The following KLRG1 variants were observed in gnomAD, a reference collection of about 807,000 sequenced individuals.
KLRG1 encodes killer cell lectin like receptor G1.
In KLRG1, 16 loss-of-function variants were observed where a neutral mutation model predicts 21.8. The observed-to-expected ratio is 0.73, with a 90% CI of 0.50 to 1.11. The LOEUF is 1.11. Ranked by LOEUF, KLRG1 falls within the 50% of genes most tolerant of loss-of-function variation. The pLI is 0.00. For missense variants in KLRG1, 173 were observed against 218.3 expected (o/e 0.79, Z 1.31); for synonymous variants, 69 against 75.9 (o/e 0.91, Z 0.47).
the KLRG1 span, among the ~76,000 whole-genome samples, chr12:9,125,158 C>A: frequency 6.6e-6 from 1 of 152,196 alleles, no homozygotes; most frequent in African/African-American, 2.4e-5. Context: ...GCAAGGAGCA[C>A]CCGCTCCAGG....
the KLRG1 span, chr12:9,111,577 G>C: frequency 2.2e-6 from 1 of 456,048 alleles, no homozygotes; most frequent in Non-Finnish European, 4.4e-6. Context: ...GAGAGAAAGA[G>C]AAACAAGAAC....
chr12:9,208,333 T>C, the KLRG1 span: 108 of 1,613,102 alleles, frequency 6.7e-5, no homozygotes, highest in Non-Finnish European at 8.3e-5. Flanking sequence ...GAAGTCTGTC[T>C]TTCCGCATTG....
the KLRG1 span, chr12:9,029,179 G>A: frequency 3.9e-6 from 1 of 256,880 alleles, no homozygotes; most frequent in Non-Finnish European, 7.5e-6. Context: ...CAATTTTCAA[G>A]AATACAATAC....
chr12:9,204,053 G>T, the KLRG1 span: 1 of 1,183,956 alleles, frequency 8.4e-7, no homozygotes, highest in South Asian at 1.6e-5. Flanking sequence ...GGTGCAATCA[G>T]TTTTATTCTA....
chr12:9,168,873 A>G, the KLRG1 span: 6 of 1,611,804 alleles, frequency 3.7e-6, no homozygotes, highest in Admixed American at 3.3e-5. Flanking sequence ...TTTTACCTCC[A>G]TAGTATCCTT....
the KLRG1 span, among the ~76,000 whole-genome samples, chr12:9,062,510 A>G: frequency 6.8e-6 from 1 of 147,302 alleles, no homozygotes; most frequent in Non-Finnish European, 1.5e-5. Context: ...ATCACCTGAC[A>G]CAATAGATGG....
At chr12:9,029,164 C>T in the KLRG1 span, 1 of 276,732 alleles carries the variant, frequency 3.6e-6, no homozygotes, top group Non-Finnish European at 6.9e-6. Context: ...AATCTATTTT[C>T]TTAGCAATTT....
At chr12:9,003,751 G>A (rs1396111166) in intron 3 of KLRG1, among the ~76,000 whole-genome samples, 1 of 150,932 alleles carries the variant, frequency 6.6e-6, no homozygotes, top group East Asian at 1.9e-4. Context: ...TGTTCACAAT[G>A]TGCAGGTTAG....
At chr12:9,035,592 T>TAAA in the KLRG1 span, among the ~76,000 whole-genome samples, 1 of 107,910 alleles carries the variant, frequency 9.3e-6, no homozygotes, top group African/African-American at 3.4e-5. Flanking sequence ...GAACTTAAAG[T>TAAA]AAAAAAAAAA....
At chr12:9,139,592 T>C in the KLRG1 span, among the ~76,000 whole-genome samples, 11 of 152,344 alleles carry the variant, frequency 7.2e-5, no homozygotes, top group South Asian at 2.3e-3. Context: ...ATGTTTGCTT[T>C]ATATATTTAG....
the KLRG1 span, among the ~76,000 whole-genome samples, chr12:9,190,034 A>C: frequency 6.6e-6 from 1 of 151,758 alleles, no homozygotes; most frequent in Non-Finnish European, 1.5e-5. Context: ...ATGCTTATAC[A>C]CTCTTGGTGG....
At chr12:9,089,324 C>T in the KLRG1 span, 2 of 1,068,538 alleles carry the variant, frequency 1.9e-6, no homozygotes, top group Admixed American at 2.0e-5. Context: ...GGAGGGACCA[C>T]AGATATTTGG....
chr12:9,196,593 G>T, the KLRG1 span: 1 of 1,611,206 alleles, frequency 6.2e-7, no homozygotes, highest in South Asian at 1.1e-5. Flanking sequence ...CTCTGATCCT[G>T]GCTTCCACTC....
chr12:9,183,750 T>G, the KLRG1 span, among the ~76,000 whole-genome samples: 1 of 152,204 alleles, frequency 6.6e-6, no homozygotes. Flanking sequence ...CAATTAAAAA[T>G]TGTTATAACT....
rs913577569 is a variant in KLRG1 at position 9,010,280 on chromosome 12, A to T, written c.*743A>T. 2.4e-6 allele frequency: 1 copy of T among 413,806 alleles called. No homozygotes were observed. The highest frequency in any genetic ancestry group is 4.3e-6 in the Non-Finnish European group (1 of 233,024). The allele number at this position is 413,806 out of a possible 1,614,324, so 25.6% of individuals were successfully genotyped here. A position where few individuals can be genotyped will look rare whatever the true frequency, so the allele number is the denominator to read the frequency against. ...CCTCCTTCTGAGCTCTTCACACGTAATGCAAAAACCCGGTCTTAACTGATT... is the reference window on the plus strand; with the variant it reads ...CCTCCTTCTGAGCTCTTCACACGTATTGCAAAAACCCGGTCTTAACTGATT... On this transcript the variant is annotated 3_prime_UTR_variant, in exon 5 of 5. Coordinates refer to ENST00000356986, the MANE Select transcript of KLRG1 (RefSeq NM_005810.4).
chr12:9,084,664 A>G, the KLRG1 span, among the ~76,000 whole-genome samples: 164 of 152,330 alleles, frequency 1.1e-3, no homozygotes, highest in Non-Finnish European at 1.9e-3. Flanking sequence ...GGTAGTACCA[A>G]GTCATTTTTA....
the KLRG1 span, among the ~76,000 whole-genome samples, chr12:9,159,019 GC>G: frequency 7.4e-4 from 112 of 151,926 alleles, no homozygotes; most frequent in African/African-American, 2.6e-3. Context: ...CCATCATCCT[GC>G]CCTTCCACTT....
the KLRG1 span, among the ~76,000 whole-genome samples, chr12:9,201,553 T>C: frequency 6.6e-6 from 1 of 152,210 alleles, no homozygotes; most frequent in African/African-American, 2.4e-5. Flanking sequence ...TATTATTATG[T>C]GTTGCCATTT....
chr12:9,046,749 T>C, the KLRG1 span, among the ~76,000 whole-genome samples: 1 of 152,240 alleles, frequency 6.6e-6, no homozygotes, highest in African/African-American at 2.4e-5. Flanking sequence ...AAAGAAGCTC[T>C]TCATAGAAAA....
Sources: gnomAD v4.1 joint callset for allele counts (sites outside exome capture counted in the v4.1 genomes callset) on GRCh38, gnomAD v4.1.1 for gene constraint, MANE v1.5 for transcripts, NCBI Gene and HGNC (gene_info 2026-07-23, HGNC 2026-07-21) for gene names.